Variants in TCF7L1 observed in about 807,000 individuals in gnomAD.
TCF7L1 encodes transcription factor 7-like 1.
Under a neutral mutation model 63.7 loss-of-function variants are expected in TCF7L1, and 18 were observed. The observed-to-expected ratio is 0.28, with a 90% CI of 0.20 to 0.42. The LOEUF is 0.42. Ranked by LOEUF, TCF7L1 falls within the 10% of genes least tolerant of loss-of-function variation. The pLI is 1.00. For synonymous variants in TCF7L1, 355 were observed against 340.9 expected (o/e 1.04, Z -0.46); for missense variants, 654 against 779.3 (o/e 0.84, Z 1.91).
At chr2:85,226,687 A>T (rs900667391) in intron 3 of TCF7L1, among the ~76,000 whole-genome samples, 2 of 151,792 alleles carry the variant, frequency 1.3e-5, no homozygotes, top group African/African-American at 4.8e-5. Flanking sequence ...CCTAGGTCCT[A>T]TGTATTCTCT....
chr2:85,235,125 G>A (rs72840183), intron 3 of TCF7L1, among the ~76,000 whole-genome samples: 5,872 of 152,164 alleles, frequency 0.039, 114 homozygotes, highest in Non-Finnish European at 0.042. Flanking sequence ...GGAAACCAGA[G>A]CTTACTGAGG....
chr2:85,266,279 C>T (rs185611776), intron 3 of TCF7L1, among the ~76,000 whole-genome samples: 1 of 152,174 alleles, frequency 6.6e-6, no homozygotes, highest in Non-Finnish European at 1.5e-5. Flanking sequence ...AGACAGTAAG[C>T]CTTCAGAAGA....
intron 3 of TCF7L1, among the ~76,000 whole-genome samples, chr2:85,173,482 C>G (rs1049009603): frequency 2.0e-5 from 3 of 152,172 alleles, no homozygotes; most frequent in African/African-American, 7.2e-5. Context: ...GATTACAGCA[C>G]AGGGTACCTA....
intron 3 of TCF7L1, among the ~76,000 whole-genome samples, chr2:85,279,041 G>A (rs1402274006): frequency 6.6e-6 from 1 of 152,110 alleles, no homozygotes; most frequent in Non-Finnish European, 1.5e-5. Flanking sequence ...TTCGCTGTGG[G>A]CTGAAGCCCA....
chr2:85,210,297 G>T (rs11692829), intron 3 of TCF7L1, among the ~76,000 whole-genome samples: 71,067 of 152,082 alleles, frequency 0.47, 16,908 homozygotes, highest in African/African-American at 0.54. Flanking sequence ...CCCTGCTGGG[G>T]AGGCTGAGGG....
At chr2:85,142,105 C>G (rs563185996) in intron 3 of TCF7L1, among the ~76,000 whole-genome samples, 40 of 152,266 alleles carry the variant, frequency 2.6e-4, no homozygotes, top group Admixed American at 2.3e-3. Context: ...CTGGAGCTGG[C>G]TGATGTTGAA....
chr2:85,220,840 AG>A (rs1244882664), intron 3 of TCF7L1, among the ~76,000 whole-genome samples: 2 of 152,234 alleles, frequency 1.3e-5, no homozygotes, highest in Non-Finnish European at 2.9e-5. Context: ...CCACTGGAAA[AG>A]ATTAGAAACA....
chr2:85,152,748 T>C (rs1678048379), intron 3 of TCF7L1, among the ~76,000 whole-genome samples: 1 of 152,126 alleles, frequency 6.6e-6, no homozygotes, highest in Non-Finnish European at 1.5e-5. Context: ...TCTCTTTTTT[T>C]AAATGTACTC....
Position 85,196,195 on chromosome 2 carries a change from G to A in TCF7L1, c.441+61745G>A, listed in dbSNP as rs143180162. On this transcript the variant is annotated intron_variant, in intron 3 of 11. Coordinates refer to ENST00000282111, the MANE Select transcript of TCF7L1 (RefSeq NM_031283.3). ...CTAAACTCGGGACAGGAGTTCAGATGCCAGGGGCAAGTGTATCCCTGAATA... is the reference window on the plus strand; with the variant it reads ...CTAAACTCGGGACAGGAGTTCAGATACCAGGGGCAAGTGTATCCCTGAATA... Among the ~76,000 whole-genome samples the A allele has an allele frequency of 4.3e-4, 66 of 152,352 alleles. 1 individual carries two copies. In the East Asian group the frequency reaches 0.013, roughly 29 times the overall value.
At chr2:85,146,937 G>T (rs192294370) in intron 3 of TCF7L1, among the ~76,000 whole-genome samples, 1 of 152,224 alleles carries the variant, frequency 6.6e-6, no homozygotes, top group East Asian at 1.9e-4. Context: ...TTGCTTTTCT[G>T]CACTGTGCAG....
intron 3 of TCF7L1, among the ~76,000 whole-genome samples, chr2:85,149,888 G>A (rs562118613): frequency 1.3e-5 from 2 of 152,200 alleles, no homozygotes; most frequent in South Asian, 4.1e-4. Context: ...TACTTAAGGG[G>A]GCATAATTTG....
At chr2:85,189,827 G>T (rs1397603443) in intron 3 of TCF7L1, among the ~76,000 whole-genome samples, 1 of 152,178 alleles carries the variant, frequency 6.6e-6, no homozygotes, top group Non-Finnish European at 1.5e-5. Context: ...TGCGAGCCTT[G>T]CACATGAGAA....
In TCF7L1 at chr2:85,197,897, T is replaced by C. The variant is rs937132252; in HGVS notation, c.441+63447T>C. On this transcript the variant is annotated intron_variant, in intron 3 of 11. Transcript: ENST00000282111. ...AGAAGAGAGTCTGCCTGTGGCCTCA[T>C]AGGGGTAACTTACTTCAGTGAGCAG... Among the ~76,000 whole-genome samples, 5 of 152,196 alleles carry C rather than the reference T, an allele frequency of 3.3e-5. No homozygotes were observed. In the East Asian group the frequency reaches 9.7e-4, roughly 29 times the overall value.
chr2:85,306,426 G>A lies in TCF7L1; in HGVS notation c.1150-26G>A, dbSNP rs1320029992. The A allele has an allele frequency of 6.2e-6, 10 of 1,613,972 alleles. No homozygotes were observed. The highest frequency in any genetic ancestry group is 2.2e-5 in the East Asian group (1 of 44,860). On this transcript the variant is annotated intron_variant, in intron 9 of 11. Coordinates refer to ENST00000282111, the MANE Select transcript of TCF7L1 (RefSeq NM_031283.3). The surrounding 1 kb of genome is among the most constrained non-coding windows in gnomAD (Gnocchi z 4.3). ...AGCGTCCCTGCATTGATGGCTCCGT[G>A]TGGTCTCTGACCCTCTCTCCCCCAG...
intron 3 of TCF7L1, among the ~76,000 whole-genome samples, chr2:85,185,808 G>C (rs1678906852): frequency 6.6e-6 from 1 of 152,126 alleles, no homozygotes; most frequent in Admixed American, 6.5e-5. Context: ...TCAGAACTGG[G>C]AGGGCCCTCA....
chr2:85,283,520 T>C lies in TCF7L1; in HGVS notation c.467T>C (p.Leu156Pro). ...TACCTGCAGATGAAATGGCCCCTCC[T>C]CGATGTCCCCTCCAGCGCCACAGTC... ...RTYLQMKWPL[L>P]DVPSSATVKD... Residue 156 changes from leucine to proline, a missense_variant, in exon 4 of 12, where the codon CTC becomes CCC. Leu to Pro is a moderately conservative substitution (Grantham distance 98). Coordinates refer to ENST00000282111, the MANE Select transcript of TCF7L1 (RefSeq NM_031283.3). 1 of 1,614,122 alleles carries C rather than the reference T, an allele frequency of 6.2e-7. No individual in the cohort carries two copies.
At chr2:85,280,584 A>C (rs1429266799) in intron 3 of TCF7L1, among the ~76,000 whole-genome samples, 1 of 152,182 alleles carries the variant, frequency 6.6e-6, no homozygotes, top group Non-Finnish European at 1.5e-5. Flanking sequence ...ATTTTTAGGT[A>C]CCCATCTATC....
intron 3 of TCF7L1, among the ~76,000 whole-genome samples, chr2:85,160,045 G>T (rs1678250775): frequency 6.6e-6 from 1 of 152,134 alleles, no homozygotes; most frequent in Non-Finnish European, 1.5e-5. Context: ...CTACCTAAAG[G>T]CTTTTTTCCT....
At chr2:85,146,811 C>T (rs973772971) in intron 3 of TCF7L1, among the ~76,000 whole-genome samples, 1 of 152,052 alleles carries the variant, frequency 6.6e-6, no homozygotes, top group Non-Finnish European at 1.5e-5. Flanking sequence ...GCTTCAGTGG[C>T]ATTTCTATCC....
Sources: gnomAD v4.1 joint callset for allele counts (sites outside exome capture counted in the v4.1 genomes callset) on GRCh38, gnomAD v4.1.1 for gene constraint, Gnocchi (gnomAD v3.1) non-coding constraint, MANE v1.5 for transcripts, NCBI Gene and HGNC (gene_info 2026-07-23, HGNC 2026-07-21) for gene names.